Variants in CELF2 observed in about 807,000 individuals in gnomAD.
CELF2 encodes CUG triplet repeat RNA-binding protein 2.
Under a neutral mutation model 62.6 loss-of-function variants are expected in CELF2, and 8 were observed. The ratio of observed to expected loss-of-function variants is 0.13; its 90% CI spans 0.07 to 0.23. The LOEUF (loss-of-function observed/expected upper bound fraction) is 0.23, where lower values mean the gene tolerates loss of function less well. Ranked by LOEUF, CELF2 falls within the 10% of genes least tolerant of loss-of-function variation. The pLI is 1.00. For missense variants in CELF2, 333 were observed against 671.0 expected (o/e 0.50, Z 5.56); for synonymous variants, 258 against 250.0 (o/e 1.03, Z -0.30).
rs1320934111 is a variant in CELF2 at position 10,938,521 on chromosome 10, T to A, written c.89+18522T>A. On this transcript the variant is annotated intron_variant, in intron 2 of 13. Coordinates refer to the CELF2 transcript ENST00000636488. This position sits in a 1 kb window ranked among gnomAD's most constrained non-coding sequence, Gnocchi z 4.2. ...ATATGTTAAAATACCATTGCAAACA[T>A]GTCAGGCAACTCAAGTTTAGAAGAT... 6.6e-6 allele frequency among the ~76,000 whole-genome samples: 1 copy of A among 152,262 alleles called. No individual in the cohort carries two copies.
At chr10:11,104,322 G>A (rs1303190841) in intron 1 of CELF2, among the ~76,000 whole-genome samples, 2 of 152,116 alleles carry the variant, frequency 1.3e-5, no homozygotes, top group Non-Finnish European at 2.9e-5. Context: ...TCGACTTCCA[G>A]CAAATGACAT....
In CELF2 at chr10:11,280,968, G is replaced by C. The variant is rs781435564; in HGVS notation, c.841+5848G>C. 2.0e-5 allele frequency among the ~76,000 whole-genome samples: 3 copies of C among 150,336 alleles called. No homozygotes were observed. The East Asian group carries it at 5.9e-4, about 30-fold the overall frequency. ...TCGCCTGGCTGCTTCTGATGCTGGC[G>C]TGCGTGTGCATGCCTGTGTGCGTGT... On this transcript the variant is annotated intron_variant, in intron 8 of 12. Transcript: ENST00000633077. This position sits in a 1 kb window ranked among gnomAD's most constrained non-coding sequence, Gnocchi z 7.6.
chr10:10,593,394 T>C, the CELF2 span, among the ~76,000 whole-genome samples: 1 of 152,194 alleles, frequency 6.6e-6, no homozygotes, highest in South Asian at 2.1e-4. Flanking sequence ...CTCCAGAAAG[T>C]TCACCTTGGA....
At chr10:10,935,979 G>A (rs368298327) in intron 2 of CELF2, among the ~76,000 whole-genome samples, 26 of 149,436 alleles carry the variant, frequency 1.7e-4, no homozygotes, top group South Asian at 2.1e-4. Flanking sequence ...TGGTGAAACC[G>A]CATCTCTACT....
At chr10:11,188,973 T>A (rs557520470) in intron 2 of CELF2, among the ~76,000 whole-genome samples, 1 of 152,356 alleles carries the variant, frequency 6.6e-6, no homozygotes, top group East Asian at 1.9e-4. Flanking sequence ...TTTCGGATCT[T>A]TCTTAGATCT....
At chr10:10,832,412 A>G (rs2132270603) in intron 1 of CELF2, among the ~76,000 whole-genome samples, 1 of 152,336 alleles carries the variant, frequency 6.6e-6, no homozygotes, top group African/African-American at 2.4e-5. Flanking sequence ...GCCTTTCCAA[A>G]GATCCCAGAT....
intron 1 of CELF2, among the ~76,000 whole-genome samples, chr10:10,880,805 G>T (rs2061395616): frequency 6.6e-6 from 1 of 152,102 alleles, no homozygotes; most frequent in Non-Finnish European, 1.5e-5. Context: ...GCCATATTTT[G>T]TACATTCTAT....
chr10:10,614,227 C>T, the CELF2 span, among the ~76,000 whole-genome samples: 68 of 152,048 alleles, frequency 4.5e-4, no homozygotes, highest in African/African-American at 1.6e-3. Context: ...CCCCATTTTC[C>T]CTTTGGTAAT....
chr10:10,688,677 T>A, the CELF2 span, among the ~76,000 whole-genome samples: 1 of 152,182 alleles, frequency 6.6e-6, no homozygotes, highest in Non-Finnish European at 1.5e-5. Context: ...CAACTCGTGA[T>A]GATATAATTG....
the CELF2 span, among the ~76,000 whole-genome samples, chr10:10,604,092 C>T: frequency 6.6e-6 from 1 of 152,104 alleles, no homozygotes; most frequent in East Asian, 1.9e-4. Flanking sequence ...TGCCTGTAGT[C>T]CCCACTACTA....
At position 11,110,273 on chromosome 10, in the gene CELF2, TA is replaced by T. The variant is rs561974036; in HGVS notation, c.75-55202del. On this transcript the variant is annotated intron_variant, in intron 1 of 12. Coordinates refer to ENST00000633077, the MANE Select transcript of CELF2 (RefSeq NM_001326342.2). The surrounding 1 kb of genome is among the most constrained non-coding windows in gnomAD (Gnocchi z 4.0). ...TGGGCGACAGAGCAAGACCATGTCT[TA>T]AAAAAAAAAATCTGCTTTTTGTTCT... 0.057 allele frequency among the ~76,000 whole-genome samples: 8,510 copies of T among 148,418 alleles called. 276 individuals are homozygous for T. Among genetic ancestry groups the T allele is most frequent in the Middle Eastern group, 0.068 (20 of 292 alleles).
At chr10:10,701,831 T>C in the CELF2 span, among the ~76,000 whole-genome samples, 1 of 152,200 alleles carries the variant, frequency 6.6e-6, no homozygotes, top group African/African-American at 2.4e-5. Flanking sequence ...CGTGCTGCAG[T>C]TTTCCTCTAC....
chr10:10,818,698 C>T (rs777265508), intron 1 of CELF2, among the ~76,000 whole-genome samples: 4 of 152,054 alleles, frequency 2.6e-5, no homozygotes, highest in Non-Finnish European at 4.4e-5. Context: ...GGATTACTGC[C>T]ATCATGGGGT....
intron 1 of CELF2, among the ~76,000 whole-genome samples, chr10:11,056,002 C>A (rs2065157273): frequency 6.6e-6 from 1 of 152,116 alleles, no homozygotes; most frequent in African/African-American, 2.4e-5. Flanking sequence ...TGGCCTAAAT[C>A]CAAGAAGTGC....
At chr10:10,584,448 G>T in the CELF2 span, among the ~76,000 whole-genome samples, 542 of 152,316 alleles carry the variant, frequency 3.6e-3, 11 homozygotes, top group South Asian at 0.016. Flanking sequence ...AAGTGTGGCC[G>T]CTGGCATTGG....
chr10:11,095,913 TA>T (rs113791116), intron 1 of CELF2, among the ~76,000 whole-genome samples: 4,241 of 150,354 alleles, frequency 0.028, 141 homozygotes, highest in African/African-American at 0.083. Context: ...AAACTATATT[TA>T]AAAAAAAAAT....
the CELF2 span, among the ~76,000 whole-genome samples, chr10:10,720,460 T>G: frequency 6.6e-6 from 1 of 152,186 alleles, no homozygotes; most frequent in Non-Finnish European, 1.5e-5. Flanking sequence ...ACAGGACAGT[T>G]TCTTTAGATA....
rs1236883134 is a variant in CELF2 at position 11,314,066 on chromosome 10, A to C, written c.977-73A>C. On this transcript the variant is annotated intron_variant, in intron 9 of 12. Transcript: ENST00000633077. The surrounding 1 kb of genome is among the most constrained non-coding windows in gnomAD (Gnocchi z 5.3). Reference sequence around the variant, plus strand: ...CAGCTCCGTCCACTGAGATGATGACAGAAGGATTTCCAGTCTCGGCTCTCA... The same window carrying C: ...CAGCTCCGTCCACTGAGATGATGACCGAAGGATTTCCAGTCTCGGCTCTCA... The C allele has an allele frequency of 2.7e-6, 4 of 1,459,578 alleles. No homozygotes were observed. The highest frequency in any genetic ancestry group is 3.8e-6 in the Non-Finnish European group (4 of 1,058,352). The allele number at this position is 1,459,578 out of a possible 1,614,324, so 90.4% of individuals were successfully genotyped here.
Position 11,165,322 on chromosome 10 carries a change from C to G in CELF2, c.75-164C>G. On this transcript the variant is annotated intron_variant, in intron 1 of 12. Transcript: ENST00000633077. This position sits in a 1 kb window ranked among gnomAD's most constrained non-coding sequence, Gnocchi z 7.4. ...GCCGCCGAGGAGCAACTCATGGTGC[C>G]TCCGCTTTGTTTTAGTTCATCAAAT... is the stretch of plus-strand genomic sequence containing the variant. The G allele has an allele frequency of 7.0e-7, 1 of 1,419,150 alleles. No individual in the cohort carries two copies. Among genetic ancestry groups the G allele is most frequent in the Non-Finnish European group, 9.2e-7 (1 of 1,090,644 alleles). The allele number at this position is 1,419,150 out of a possible 1,614,324, so 87.9% of individuals were successfully genotyped here. A position where few individuals can be genotyped will look rare whatever the true frequency, so the allele number is the denominator to read the frequency against.
Sources: gnomAD v4.1 joint callset for allele counts (sites outside exome capture counted in the v4.1 genomes callset) on GRCh38, gnomAD v4.1.1 for gene constraint, Gnocchi (gnomAD v3.1) non-coding constraint, MANE v1.5 for transcripts, NCBI Gene and HGNC (gene_info 2026-07-23, HGNC 2026-07-21) for gene names.